HHIP: variants seen among roughly 807,000 people sequenced by gnomAD.
The protein encoded by HHIP is hedgehog interacting protein, also known as hedgehog-interacting protein.
HHIP carries 12 observed loss-of-function variants against 74.0 expected under a neutral mutation model. The ratio of observed to expected loss-of-function variants is 0.16; its 90% CI spans 0.10 to 0.26. The LOEUF (loss-of-function observed/expected upper bound fraction) is 0.26. HHIP is among the 10% of genes least tolerant of loss of function. HHIP has a pLI of 1.00. For synonymous variants in HHIP, 309 were observed against 311.6 expected, an observed-to-expected ratio of 0.99 and a Z score of 0.09; for missense variants, 788 against 845.0, an observed-to-expected ratio of 0.93 and a Z score of 0.84.
In HHIP at chr4:144,741,436, G is replaced by C. The variant is rs542584853; in HGVS notation, c.*3479G>C. 7.0e-6 allele frequency: 1 copy of C among 142,856 alleles called. No homozygotes were observed. The highest frequency in any genetic ancestry group is 1.5e-5 in the Non-Finnish European group (1 of 66,660). 8.8% of individuals were successfully genotyped at this position (142,856 alleles called of 1,614,324 possible). On this transcript the variant is annotated 3_prime_UTR_variant, in exon 13 of 13. Transcript: ENST00000296575. ...CTTGCTATGTTGCCCAGGCTGCAGA[G>C]CAGCACAATCTCAGCTCACTACAAC...
chr4:144,681,045 G>A (rs1729323230), intron 4 of HHIP, among the ~76,000 whole-genome samples: 1 of 152,110 alleles, frequency 6.6e-6, no homozygotes, highest in Admixed American at 6.6e-5. Context: ...TTCAAAGAAT[G>A]TACATAAAAG....
At chr4:144,707,399 T>G in intron 6 of HHIP, 139 bp downstream of exon 6, 1 of 653,058 alleles carries the variant, frequency 1.5e-6, no homozygotes, top group Non-Finnish European at 2.6e-6. Context: ...CATCAGTGTC[T>G]GCATTTATGA....
At chr4:144,647,241 A>C in intron 1 of HHIP, 1 of 363,170 alleles carries the variant, frequency 2.8e-6, no homozygotes, top group Non-Finnish European at 4.9e-6. Flanking sequence ...AATATTTTAA[A>C]AGAATCGCGA....
chr4:144,698,140 T>G (rs1729873527), intron 4 of HHIP, among the ~76,000 whole-genome samples: 1 of 152,138 alleles, frequency 6.6e-6, no homozygotes, highest in African/African-American at 2.4e-5. Flanking sequence ...ATGAGACACT[T>G]CCTAAAATTC....
At chr4:144,672,822 C>T (rs1729076965) in intron 4 of HHIP, among the ~76,000 whole-genome samples, 1 of 152,112 alleles carries the variant, frequency 6.6e-6, no homozygotes. Context: ...CTGCCTCAGC[C>T]TCCCAAGTAG....
At chr4:144,717,020 A>G (rs986789753) in intron 10 of HHIP, among the ~76,000 whole-genome samples, 75 of 152,200 alleles carry the variant, frequency 4.9e-4, no homozygotes, top group Admixed American at 2.7e-3. Context: ...CCATTAGGTA[A>G]AATATCCCAA....
At chr4:144,649,701 G>A (rs1328714022) in intron 1 of HHIP, among the ~76,000 whole-genome samples, 2 of 152,066 alleles carry the variant, frequency 1.3e-5, no homozygotes, top group Non-Finnish European at 2.9e-5. Flanking sequence ...CTCTACCTTG[G>A]GTGGTTTCAC....
rs573338102 is a variant in HHIP, at chr4:144,702,442, T to C, written c.832-4089T>C. ...AGAATGGCAGATAGTTAAACACTTA[T>C]TAAAAGCGCCTGAAGAGGGTTTTAT... is the stretch of plus-strand genomic sequence containing the variant. On this transcript the variant is annotated intron_variant, in intron 4 of 12. Coordinates refer to ENST00000296575, the MANE Select transcript of HHIP (RefSeq NM_022475.3). 5.3e-5 allele frequency among the ~76,000 whole-genome samples: 8 copies of C among 152,334 alleles called. No homozygotes were observed. In the East Asian group the frequency reaches 1.5e-3, roughly 29 times the overall value.
intron 4 of HHIP, among the ~76,000 whole-genome samples, chr4:144,684,860 C>T (rs1366124694): frequency 6.6e-6 from 1 of 152,160 alleles, no homozygotes; most frequent in African/African-American, 2.4e-5. Flanking sequence ...ATTTCCACCA[C>T]TAATTGGTCT....
intron 11 of HHIP, 101 bp from the exon 12 acceptor site, chr4:144,734,640 G>T: frequency 4.4e-6 from 4 of 902,498 alleles, no homozygotes; most frequent in Non-Finnish European, 6.2e-6. Context: ...AGTCTCTCTA[G>T]AAAGTAAGAG....
intron 4 of HHIP, among the ~76,000 whole-genome samples, chr4:144,696,161 C>T (rs1729812278): frequency 6.6e-6 from 1 of 151,892 alleles, no homozygotes; most frequent in African/African-American, 2.4e-5. Flanking sequence ...CATTCATCAT[C>T]TTCTTGGATT....
chr4:144,681,864 A>G (rs1466337724), intron 4 of HHIP, among the ~76,000 whole-genome samples: 1 of 152,226 alleles, frequency 6.6e-6, no homozygotes, highest in Non-Finnish European at 1.5e-5. Flanking sequence ...CAAAGAAGAT[A>G]GCTGTGGGCC....
intron 4 of HHIP, among the ~76,000 whole-genome samples, chr4:144,682,690 T>C (rs1307275282): frequency 6.6e-6 from 1 of 152,258 alleles, no homozygotes; most frequent in Non-Finnish European, 1.5e-5. Context: ...ACCATCTCTA[T>C]GTGTCAAACA....
chr4:144,717,042 C>T (rs1730473969), intron 10 of HHIP, among the ~76,000 whole-genome samples: 2 of 151,904 alleles, frequency 1.3e-5, no homozygotes, highest in South Asian at 4.1e-4. Context: ...TGTCTGTGTA[C>T]ACCTAATACT....
chr4:144,736,701 A>G (rs527968878), intron 12 of HHIP, among the ~76,000 whole-genome samples: 1 of 152,346 alleles, frequency 6.6e-6, no homozygotes, highest in South Asian at 2.1e-4. Context: ...TTTACACTGA[A>G]TCAATTTAAA....
intron 4 of HHIP, among the ~76,000 whole-genome samples, chr4:144,664,592 A>C (rs535833132): frequency 1.3e-5 from 2 of 152,346 alleles, no homozygotes; most frequent in South Asian, 2.1e-4. Context: ...TTTATTTTTC[A>C]AAAGTAGTAT....
chr4:144,732,522 A>G (rs999056980), intron 11 of HHIP, among the ~76,000 whole-genome samples: 22 of 152,198 alleles, frequency 1.4e-4, no homozygotes, highest in African/African-American at 4.3e-4. Context: ...GCAGAGAAAC[A>G]GGGGTCAGAC....
At chr4:144,680,782 G>C (rs1414146582) in intron 4 of HHIP, among the ~76,000 whole-genome samples, 1 of 152,190 alleles carries the variant, frequency 6.6e-6, no homozygotes, top group Non-Finnish European at 1.5e-5. Context: ...GTATTAGAAA[G>C]AGAGAAAGAT....
intron 2 of HHIP, among the ~76,000 whole-genome samples, chr4:144,657,515 T>C (rs17720753): frequency 0.35 from 53,681 of 152,076 alleles, 11,108 homozygotes; most frequent in South Asian, 0.52. Context: ...ACTCTGGTAA[T>C]ACCGTCATAT....
Sources: allele counts gnomAD v4.1 joint callset (sites outside exome capture counted in the v4.1 genomes callset), GRCh38; gene constraint gnomAD v4.1.1; transcripts MANE v1.5; gene names NCBI Gene and HGNC (gene_info 2026-07-23, HGNC 2026-07-21).